The following FANCC variants were observed in gnomAD, a reference collection of about 807,000 sequenced individuals.
FANCC encodes the protein Fanconi anemia group C protein.
A neutral mutation model predicts 71.3 loss-of-function variants in FANCC; 55 were observed. The observed-to-expected ratio is 0.77, with a 90% CI of 0.62 to 0.97. The LOEUF (loss-of-function observed/expected upper bound fraction) is 0.97. FANCC is among the 50% of genes least tolerant of loss of function. FANCC has a pLI of 0.00. For synonymous variants in FANCC, 275 were observed against 244.9 expected, an observed-to-expected ratio of 1.12 and a Z score of -1.15; for missense variants, 678 against 670.9, an observed-to-expected ratio of 1.01 and a Z score of -0.12.
At chr9:95,281,116 T>A (rs985572555) in intron 1 of FANCC, among the ~76,000 whole-genome samples, 1 of 152,010 alleles carries the variant, frequency 6.6e-6, no homozygotes, top group African/African-American at 2.4e-5. Flanking sequence ...GAGAAAGTAG[T>A]AGAAAGCTTA....
At chr9:95,217,295 G>GT (rs1267258189) in intron 4 of FANCC, among the ~76,000 whole-genome samples, 1 of 151,956 alleles carries the variant, frequency 6.6e-6, no homozygotes, top group Non-Finnish European at 1.5e-5. Context: ...ACCATCCTGC[G>GT]TAACATGGTG....
intron 4 of FANCC, among the ~76,000 whole-genome samples, chr9:95,237,455 C>T (rs902288174): frequency 1.1e-4 from 17 of 152,330 alleles, no homozygotes; most frequent in Admixed American, 1.0e-3. Context: ...CTCTCCTCAC[C>T]GAGTCTTTGC....
At chr9:95,309,441 T>G (rs953781689) in intron 1 of FANCC, among the ~76,000 whole-genome samples, 2 of 152,206 alleles carry the variant, frequency 1.3e-5, no homozygotes, top group Non-Finnish European at 2.9e-5. Flanking sequence ...TAGTGTTTTA[T>G]TATAATCTTT....
At chr9:95,230,478 G>A (rs568593032) in intron 4 of FANCC, among the ~76,000 whole-genome samples, 12 of 152,124 alleles carry the variant, frequency 7.9e-5, no homozygotes, top group East Asian at 5.8e-4. Flanking sequence ...TCTCGGTCTC[G>A]CTGACTTCAA....
intron 1 of FANCC, among the ~76,000 whole-genome samples, chr9:95,259,072 T>G (rs1366631395): frequency 6.6e-6 from 1 of 152,174 alleles, no homozygotes; most frequent in East Asian, 1.9e-4. Flanking sequence ...CATTCCATGC[T>G]CACGGATAGG....
intron 1 of FANCC, among the ~76,000 whole-genome samples, chr9:95,284,755 A>G (rs1429006572): frequency 6.6e-6 from 1 of 152,156 alleles, no homozygotes; most frequent in Non-Finnish European, 1.5e-5. Flanking sequence ...CAGTCTTACC[A>G]GACAAAAAAA....
chr9:95,274,394 T>C (rs1225498082), intron 1 of FANCC, among the ~76,000 whole-genome samples: 1 of 152,232 alleles, frequency 6.6e-6, no homozygotes, highest in African/African-American at 2.4e-5. Flanking sequence ...ATGGTGTATA[T>C]GTGCCACATT....
At chr9:95,292,612 A>C in intron 1 of FANCC, 5 of 1,457,092 alleles carry the variant, frequency 3.4e-6, no homozygotes, top group Non-Finnish European at 4.8e-6. Flanking sequence ...GGCTGCCGCA[A>C]GATCCTGCCC....
chr9:95,278,358 T>C (rs1185461218), intron 1 of FANCC, among the ~76,000 whole-genome samples: 1 of 152,214 alleles, frequency 6.6e-6, no homozygotes, highest in Non-Finnish European at 1.5e-5. Context: ...ACTCCAAATT[T>C]TGAATTTTGC....
intron 4 of FANCC, among the ~76,000 whole-genome samples, chr9:95,189,976 C>T (rs1360921793): frequency 6.6e-6 from 1 of 152,204 alleles, no homozygotes; most frequent in Non-Finnish European, 1.5e-5. Context: ...CTTATGCATC[C>T]TTGGTCATTT....
intron 4 of FANCC, among the ~76,000 whole-genome samples, chr9:95,214,117 G>A (rs1828695132): frequency 6.6e-6 from 1 of 152,152 alleles, no homozygotes. Context: ...CACCCATTAA[G>A]ATAGCTACTA....
chr9:95,255,917 C>A (rs1831628263), intron 1 of FANCC, among the ~76,000 whole-genome samples: 1 of 150,092 alleles, frequency 6.7e-6, no homozygotes, highest in African/African-American at 2.5e-5. Context: ...ATCGATCAAG[C>A]AGAAGAAAGG....
chr9:95,158,429 G>A (rs1424933276), intron 6 of FANCC, among the ~76,000 whole-genome samples: 2 of 152,100 alleles, frequency 1.3e-5, no homozygotes, highest in African/African-American at 4.8e-5. Context: ...CACTTAAGAA[G>A]CGGTAGAGAA....
At chr9:95,240,177 G>T (rs1830554424) in intron 4 of FANCC, among the ~76,000 whole-genome samples, 1 of 152,200 alleles carries the variant, frequency 6.6e-6, no homozygotes, top group South Asian at 2.1e-4. Flanking sequence ...GATCCAGTCT[G>T]TGCATATGCT....
chr9:95,195,739 T>C (rs1016840813), intron 4 of FANCC, among the ~76,000 whole-genome samples: 2 of 152,242 alleles, frequency 1.3e-5, no homozygotes, highest in African/African-American at 4.8e-5. Flanking sequence ...CTTCAATGCA[T>C]CATCACTAAA....
At chr9:95,224,045 C>T (rs1195442643) in intron 4 of FANCC, among the ~76,000 whole-genome samples, 1 of 152,178 alleles carries the variant, frequency 6.6e-6, no homozygotes, top group African/African-American at 2.4e-5. Flanking sequence ...ACTTTTCTCA[C>T]ATTTCAGTAA....
intron 7 of FANCC, among the ~76,000 whole-genome samples, chr9:95,138,047 G>C (rs1226905518): frequency 1.3e-5 from 2 of 152,240 alleles, no homozygotes; most frequent in African/African-American, 4.8e-5. Flanking sequence ...AGAGGAGTGG[G>C]AAAGGCTGAA....
At position 95,179,610 on chromosome 9, in the gene FANCC, G is replaced by A. The variant is rs148630962; in HGVS notation, c.346-7463C>T. 2.5e-3 allele frequency among the ~76,000 whole-genome samples: 376 copies of A among 152,250 alleles called. 2 individuals are homozygous for A. Among genetic ancestry groups the A allele is most frequent in the African/African-American group, 8.6e-3 (359 of 41,532 alleles). On this transcript the variant is annotated intron_variant, in intron 4 of 14. Transcript: ENST00000289081. ...GATCTGCCCACCTCAGCCTCCCAAAGTGCTAGGATTACAGGTGTGAGCCAC... is the reference window on the plus strand; with the variant it reads ...GATCTGCCCACCTCAGCCTCCCAAAATGCTAGGATTACAGGTGTGAGCCAC...
chr9:95,231,113 G>T (rs1363955205), intron 4 of FANCC, among the ~76,000 whole-genome samples: 1 of 152,150 alleles, frequency 6.6e-6, no homozygotes, highest in Non-Finnish European at 1.5e-5. Context: ...TTACCAGTCT[G>T]ATCTTGCATT....
Sources: allele counts gnomAD v4.1 joint callset (sites outside exome capture counted in the v4.1 genomes callset), GRCh38; gene constraint gnomAD v4.1.1; transcripts MANE v1.5; gene names NCBI Gene and HGNC (gene_info 2026-07-23, HGNC 2026-07-21).